Variants in NCKAP5 observed in about 807,000 individuals in gnomAD.
The protein encoded by NCKAP5 is nck-associated protein 5.
In NCKAP5, 92 loss-of-function variants were observed where a neutral mutation model predicts 167.0. The observed-to-expected ratio is 0.55, with a 90% CI of 0.47 to 0.66. The LOEUF (loss-of-function observed/expected upper bound fraction) is 0.66. Ranked by LOEUF, NCKAP5 falls within the 30% of genes least tolerant of loss-of-function variation. The pLI is 0.00. For missense variants in NCKAP5, 2,378 were observed against 2,315.0 expected, an observed-to-expected ratio of 1.03 and a Z score of -0.56; for synonymous variants, 891 against 877.4, an observed-to-expected ratio of 1.02 and a Z score of -0.27.
intron 5 of NCKAP5, among the ~76,000 whole-genome samples, chr2:133,147,926 A>G (rs985972317): frequency 4.6e-5 from 7 of 152,124 alleles, no homozygotes; most frequent in African/African-American, 1.7e-4. Context: ...TGGGTACCAA[A>G]GGGAAGAACA....
intron 8 of NCKAP5, among the ~76,000 whole-genome samples, chr2:132,886,967 A>G (rs2148848807): frequency 6.6e-6 from 1 of 152,354 alleles, no homozygotes; most frequent in South Asian, 2.1e-4. Context: ...AAAAAATCAG[A>G]AAGTTGAAAC....
At chr2:133,471,145 A>T (rs1178959981) in intron 3 of NCKAP5, among the ~76,000 whole-genome samples, 1 of 152,126 alleles carries the variant, frequency 6.6e-6, no homozygotes, top group African/African-American at 2.4e-5. Context: ...GTTCAGCTCA[A>T]TTGTCAGCTC....
intron 4 of NCKAP5, among the ~76,000 whole-genome samples, chr2:133,299,475 G>A (rs1047654684): frequency 3.3e-5 from 5 of 152,096 alleles, no homozygotes; most frequent in South Asian, 2.1e-4. Context: ...GGCCGGGCCC[G>A]GGGGCTCACA....
At chr2:133,182,686 A>C (rs1171974358) in intron 5 of NCKAP5, among the ~76,000 whole-genome samples, 1 of 152,210 alleles carries the variant, frequency 6.6e-6, no homozygotes, top group Non-Finnish European at 1.5e-5. Flanking sequence ...TCAAATCAGT[A>C]ATGTAAGTTC....
chr2:133,201,236 G>A (rs2085672218), intron 5 of NCKAP5, among the ~76,000 whole-genome samples: 1 of 152,112 alleles, frequency 6.6e-6, no homozygotes, highest in Admixed American at 6.6e-5. Context: ...AGCACAAGAT[G>A]CCATTTGATT....
At chr2:132,690,307 C>A (rs2105127184) in intron 19 of NCKAP5, among the ~76,000 whole-genome samples, 1 of 152,280 alleles carries the variant, frequency 6.6e-6, no homozygotes, top group African/African-American at 2.4e-5. Context: ...TGTGTCCTGT[C>A]CAGGGCTGGT....
chr2:133,169,385 G>C (rs1337008958), intron 5 of NCKAP5, among the ~76,000 whole-genome samples: 1 of 152,150 alleles, frequency 6.6e-6, no homozygotes, highest in Admixed American at 6.6e-5. Flanking sequence ...ACAAAGCAGT[G>C]CATCTGTTTC....
intron 6 of NCKAP5, among the ~76,000 whole-genome samples, chr2:133,050,793 G>A (rs1372845853): frequency 6.6e-6 from 1 of 152,184 alleles, no homozygotes; most frequent in Non-Finnish European, 1.5e-5. Context: ...GTGATGAACT[G>A]AATAAAAGGT....
intron 6 of NCKAP5, chr2:133,123,246 C>A (rs2082304661): frequency 6.6e-6 from 1 of 152,324 alleles, no homozygotes; most frequent in Non-Finnish European, 1.5e-5. Flanking sequence ...TAATGTTCAG[C>A]TTTCAGTAAG....
chr2:132,995,729 T>A (rs1235697600), intron 6 of NCKAP5, among the ~76,000 whole-genome samples: 1 of 151,112 alleles, frequency 6.6e-6, no homozygotes, highest in African/African-American at 2.4e-5. Context: ...AATCCCAACA[T>A]TTTGGGAGGC....
In NCKAP5 at chr2:132,785,580, G is replaced by A. The variant is rs1359961801; in HGVS notation, c.1231C>T (p.Arg411Ter). The A allele has an allele frequency of 1.3e-6, 2 of 1,593,092 alleles. No homozygotes were observed. Among genetic ancestry groups the A allele is most frequent in the Non-Finnish European group, 1.7e-6 (2 of 1,170,450 alleles). The change falls in exon 14 of 20, where the codon CGA becomes TGA. Residue 411 changes from arginine (R) to a stop codon, truncating the protein, a stop_gained. Coordinates refer to ENST00000409261, the MANE Select transcript of NCKAP5 (RefSeq NM_207363.3). LOFTEE classifies it high-confidence loss of function. Reference sequence around the variant, plus strand: ...GATGGGGGTTCAAGTAACACTTTTCGCTTCTGTAGCTTTCTTAGCCCTTCC... The same window carrying A: ...GATGGGGGTTCAAGTAACACTTTTCACTTCTGTAGCTTTCTTAGCCCTTCC... ...ILEGLRKLQK[R>*]KVLLEPPSVI...
At chr2:133,295,126 T>C (rs530260831) in intron 4 of NCKAP5, among the ~76,000 whole-genome samples, 7 of 152,244 alleles carry the variant, frequency 4.6e-5, no homozygotes, top group African/African-American at 1.7e-4. Context: ...GACTTTCCCC[T>C]TTTACCAACA....
At chr2:133,096,211 C>T (rs1212382455) in intron 6 of NCKAP5, among the ~76,000 whole-genome samples, 1 of 152,126 alleles carries the variant, frequency 6.6e-6, no homozygotes, top group Non-Finnish European at 1.5e-5. Context: ...GATAATTAGG[C>T]CAGGCACAAT....
chr2:132,890,882 T>C (rs1692644734), intron 8 of NCKAP5, among the ~76,000 whole-genome samples: 1 of 152,074 alleles, frequency 6.6e-6, no homozygotes, highest in African/African-American at 2.4e-5. Context: ...AAAATGTCAA[T>C]AAAGACATTA....
At chr2:132,860,761 CCA>C in intron 10 of NCKAP5, 150 bp from the exon 11 acceptor site, 1 of 1,059,924 alleles carries the variant, frequency 9.4e-7, no homozygotes, top group Non-Finnish European at 1.3e-6. Flanking sequence ...ACGTTTTCGT[CCA>C]CAGACCATTG....
chr2:133,330,053 CTTTTTTTTT>C (rs1165568563), intron 3 of NCKAP5, among the ~76,000 whole-genome samples: 4 of 85,692 alleles, frequency 4.7e-5, no homozygotes, highest in African/African-American at 1.4e-4. Context: ...AAAGCAAGAC[CTTTTTTTTT>C]TTTTTTTTTT....
chr2:133,434,670 A>G (rs767784085), intron 3 of NCKAP5, among the ~76,000 whole-genome samples: 12 of 152,254 alleles, frequency 7.9e-5, no homozygotes, highest in Non-Finnish European at 1.6e-4. Context: ...GATATTATGA[A>G]CATCTTAAGA....
intron 3 of NCKAP5, among the ~76,000 whole-genome samples, chr2:133,399,962 G>A (rs1381999207): frequency 2.0e-5 from 3 of 151,906 alleles, no homozygotes; most frequent in Non-Finnish European, 2.9e-5. Flanking sequence ...ATATAAAGCA[G>A]GTCTGTAATA....
intron 8 of NCKAP5, among the ~76,000 whole-genome samples, chr2:132,920,659 TTATATA>T (rs371454572): frequency 1.2e-5 from 1 of 81,998 alleles, no homozygotes; most frequent in African/African-American, 5.9e-5. Context: ...ATGGAAGAAC[TTATATA>T]TATATATATA....
Sources: allele counts gnomAD v4.1 joint callset (sites outside exome capture counted in the v4.1 genomes callset), GRCh38; gene constraint gnomAD v4.1.1; transcripts MANE v1.5; gene names NCBI Gene and HGNC (gene_info 2026-07-23, HGNC 2026-07-21).